The following FKBP15 variants were observed in gnomAD, a reference collection of about 807,000 sequenced individuals.
FKBP15 encodes the protein FKBP prolyl isomerase family member 15.
In FKBP15, 106 loss-of-function variants were observed where a neutral mutation model predicts 158.1. The observed-to-expected ratio is 0.67, with a 90% CI of 0.57 to 0.79. The LOEUF is 0.79. Among genes scored for constraint, FKBP15 ranks in the 30% least tolerant of loss-of-function variants. The pLI is 0.00. For synonymous variants in FKBP15, 547 were observed against 548.6 expected, an observed-to-expected ratio of 1.00 and a Z score of 0.04; for missense variants, 1,287 against 1,479.1, an observed-to-expected ratio of 0.87 and a Z score of 2.13.
chr9:113,188,612 AG>A, intron 12 of FKBP15, 121 bp from the exon 13 acceptor site: 1 of 781,060 alleles, frequency 1.3e-6, no homozygotes, highest in Non-Finnish European at 2.1e-6. Flanking sequence ...GAGGAAGGAA[AG>A]GTAAGCGGAA....
Position 113,166,957 on chromosome 9 carries a change from C to T in FKBP15, c.3583-802G>A, listed in dbSNP as rs143554362. Among the ~76,000 whole-genome samples the T allele has an allele frequency of 1.2e-4, 18 of 152,310 alleles. No individual in the cohort carries two copies. In the East Asian group the frequency reaches 3.1e-3, roughly 26 times the overall value. ...CTCTGCTCTGGTGAGCAACTGCCAA[C>T]CAGAATCCATCTTCACAGGGCCAGG... On this transcript the variant is annotated intron_variant, in intron 27 of 27. Transcript: ENST00000238256.
Position 113,221,260 on chromosome 9 carries a change from G to C in FKBP15, c.-17C>G. 1 of 1,597,880 alleles carries C rather than the reference G, an allele frequency of 6.3e-7. No individual in the cohort carries two copies. Among genetic ancestry groups the C allele is most frequent in the Non-Finnish European group, 8.5e-7 (1 of 1,172,578 alleles). Reference sequence around the variant, plus strand: ...ACCGAACATTGCGTTGGCTTTCACCGGGTTGCGGGGAGGAAGCTGGGTATT... The same window carrying C: ...ACCGAACATTGCGTTGGCTTTCACCCGGTTGCGGGGAGGAAGCTGGGTATT... On this transcript the variant is annotated 5_prime_UTR_variant, in exon 1 of 28. Coordinates refer to ENST00000238256, the MANE Select transcript of FKBP15 (RefSeq NM_015258.2).
At chr9:113,174,623 A>G (rs3827673) in intron 21 of FKBP15, 40 bp from the exon 22 acceptor site, 624,081 of 1,592,130 alleles carry the variant, frequency 0.39, 127,545 homozygotes, top group East Asian at 0.76. Context: ...TAGCTTGTTA[A>G]CAGAGAATAA....
chr9:113,187,682 A>G lies in FKBP15; in HGVS notation c.1383+111T>C, dbSNP rs376354077. 148 of 862,638 alleles carry G rather than the reference A, an allele frequency of 1.7e-4. 1 individual carries two copies. The African/African-American group carries it at 2.1e-3, about 12-fold the overall frequency. The allele number at this position is 862,638 out of a possible 1,614,324, so 53.4% of individuals were successfully genotyped here. On this transcript the variant is annotated intron_variant, in intron 14 of 27. Transcript: ENST00000238256. Reference sequence around the variant, plus strand: ...ACCAAGGAAGGGAAAAAAATTACAAACTCTGACTTTGGGGAACTGCTACTG... The same window carrying G: ...ACCAAGGAAGGGAAAAAAATTACAAGCTCTGACTTTGGGGAACTGCTACTG...
In FKBP15 at chr9:113,170,626, T is replaced by C. The variant is rs1165289831; in HGVS notation, c.2662A>G (p.Lys888Glu). 1.2e-5 allele frequency: 19 copies of C among 1,608,292 alleles called. No individual in the cohort carries two copies. Among genetic ancestry groups the C allele is most frequent in the Non-Finnish European group, 1.6e-5 (19 of 1,174,894 alleles). Residue 888 changes from lysine (K) to glutamate (E), a missense_variant, in exon 25 of 28, where the codon AAG becomes GAG. Physicochemically the swap from Lys to Glu is moderately conservative, Grantham distance 56 (BLOSUM62 1). Transcript: ENST00000238256. Reference sequence around the variant, plus strand: ...TGGAACACCTGGTTCATGATCTTCTTGACCTGTGTGAACATCAAAACACAT... The same window carrying C: ...TGGAACACCTGGTTCATGATCTTCTCGACCTGTGTGAACATCAAAACACAT... Reference protein sequence around the residue: ...AAASDPSEKVKKIMNQVFQSL... With the variant: ...AAASDPSEKVEKIMNQVFQSL...
intron 9 of FKBP15, among the ~76,000 whole-genome samples, chr9:113,195,137 T>C (rs566874819): frequency 6.6e-6 from 1 of 152,312 alleles, no homozygotes; most frequent in African/African-American, 2.4e-5. Context: ...ATTTATATCC[T>C]ACTGCTCAAG....
Position 113,183,848 on chromosome 9 carries a change from A to C in FKBP15, c.1717-3T>G. 1 of 1,605,302 alleles carries C rather than the reference A, an allele frequency of 6.2e-7. No homozygotes were observed. The highest frequency in any genetic ancestry group is 8.5e-7 in the Non-Finnish European group (1 of 1,172,540). On this transcript the variant is annotated splice_polypyrimidine_tract_variant and splice_region_variant and intron_variant, in intron 17 of 27. Transcript: ENST00000238256. ...TCTTGCTTCAATCTTTCATTTTCCT[A>C]ATTTCAAAATATATGATGTACAATT...
At chr9:113,196,635 G>A (rs529892042) in intron 9 of FKBP15, among the ~76,000 whole-genome samples, 4 of 152,046 alleles carry the variant, frequency 2.6e-5, no homozygotes, top group Non-Finnish European at 5.9e-5. Context: ...TGCCCACCTC[G>A]GCCTCCCAAA....
chr9:113,203,065 A>G, intron 4 of FKBP15, 30 bp from the exon 5 acceptor site: 3 of 1,474,626 alleles, frequency 2.0e-6, no homozygotes, highest in East Asian at 4.5e-5. Flanking sequence ...GATAGAAAAA[A>G]AAAAAGAGAG....
chr9:113,193,683 C>G, intron 10 of FKBP15, 134 bp from the exon 11 acceptor site: 1 of 734,884 alleles, frequency 1.4e-6, no homozygotes, highest in East Asian at 2.7e-5. Context: ...TTTAACTCTT[C>G]TTTAGTTTGC....
At chr9:113,193,143 T>G (rs372810564) in intron 11 of FKBP15, among the ~76,000 whole-genome samples, 12 of 152,318 alleles carry the variant, frequency 7.9e-5, no homozygotes, top group African/African-American at 2.9e-4. Context: ...CAAGGCCACA[T>G]GCTTATAAGA....
At chr9:113,214,764 A>C (rs994522795) in intron 1 of FKBP15, among the ~76,000 whole-genome samples, 5 of 152,248 alleles carry the variant, frequency 3.3e-5, no homozygotes, top group African/African-American at 1.2e-4. Flanking sequence ...TTTTGTCTAC[A>C]CTGAAAATCC....
chr9:113,181,369 T>C (rs1189523104), intron 19 of FKBP15, among the ~76,000 whole-genome samples: 1 of 152,144 alleles, frequency 6.6e-6, no homozygotes, highest in Non-Finnish European at 1.5e-5. Flanking sequence ...TAAAGTTTTA[T>C]TGGAACACAT....
chr9:113,196,901 C>T, intron 9 of FKBP15, 31 bp downstream of exon 9: 1 of 1,608,414 alleles, frequency 6.2e-7, no homozygotes, highest in Non-Finnish European at 8.5e-7. Context: ...GCAGAGGACT[C>T]ATCAAACAAA....
At position 113,165,033 on chromosome 9, in the gene FKBP15, A is replaced by AAAAT. The variant is rs1194225621; in HGVS notation, c.*1041_*1044dup. 6.9e-6 allele frequency: 1 copy of AAAAT among 145,644 alleles called. No homozygotes were observed. The highest frequency in any genetic ancestry group is 2.5e-5 in the African/African-American group (1 of 39,470). The allele number at this position is 145,644 out of a possible 1,614,324, so 9.0% of individuals were successfully genotyped here. A position where few individuals can be genotyped will look rare whatever the true frequency, so the allele number is the denominator to read the frequency against. On this transcript the variant is annotated 3_prime_UTR_variant, in exon 28 of 28. Coordinates refer to ENST00000238256, the MANE Select transcript of FKBP15 (RefSeq NM_015258.2). ...TTAAAATCAAGAAACATTTTTTATT[A>AAAAT]AAATTAATTATTCTGTTTTTTTAAA...
At chr9:113,166,227 A>G in intron 27 of FKBP15, 72 bp from the exon 28 acceptor site, 13 of 1,364,244 alleles carry the variant, frequency 9.5e-6, no homozygotes, top group Non-Finnish European at 1.3e-5. Context: ...TGTGAGTGGA[A>G]GCAATCCAAC....
chr9:113,170,486 A>G (rs372720945), intron 25 of FKBP15, 36 bp downstream of exon 25: 10 of 1,437,250 alleles, frequency 7.0e-6, no homozygotes, highest in Non-Finnish European at 9.8e-6. Flanking sequence ...CAAAATGCCC[A>G]ATACGATGAA....
chr9:113,200,316 C>G (rs766417326), intron 6 of FKBP15, among the ~76,000 whole-genome samples: 41 of 152,072 alleles, frequency 2.7e-4, no homozygotes, highest in Non-Finnish European at 3.5e-4. Context: ...AGGTACCTGG[C>G]AAATAATAGT....
chr9:113,208,480 A>G (rs1587974712), intron 2 of FKBP15, among the ~76,000 whole-genome samples: 2 of 152,368 alleles, frequency 1.3e-5, no homozygotes, highest in African/African-American at 4.8e-5. Context: ...CGGACATGAC[A>G]TGCAAGAACT....
Sources: allele counts gnomAD v4.1 joint callset (sites outside exome capture counted in the v4.1 genomes callset), GRCh38; gene constraint gnomAD v4.1.1; transcripts MANE v1.5; gene names NCBI Gene and HGNC (gene_info 2026-07-23, HGNC 2026-07-21).